Variants in NOSTRIN observed in about 807,000 individuals in gnomAD.
NOSTRIN encodes nitric oxide synthase trafficking.
NOSTRIN carries 63 observed loss-of-function variants against 59.0 expected under a neutral mutation model. The ratio of observed to expected loss-of-function variants is 1.07; its 90% CI spans 0.87 to 1.32. The LOEUF (loss-of-function observed/expected upper bound fraction) is 1.32. Among genes scored for constraint, NOSTRIN ranks in the 40% most tolerant of loss-of-function variants. The probability of loss-of-function intolerance (pLI) is 0.00; values close to 1 mark genes in which losing one functional copy is unlikely to be tolerated. For synonymous variants in NOSTRIN, 200 were observed against 165.4 expected (o/e 1.21, Z -1.61); for missense variants, 512 against 473.1 (o/e 1.08, Z -0.76).
chr2:168,791,455 G>C lies in NOSTRIN; in HGVS notation c.-473+3407G>C, dbSNP rs111906637. Among the ~76,000 whole-genome samples, 50 of 152,218 alleles carry C rather than the reference G, an allele frequency of 3.3e-4. 2 individuals carry two copies. In the East Asian group the frequency reaches 9.6e-3, roughly 29 times the overall value. On this transcript the variant is annotated intron_variant, in intron 2 of 20. Transcript: ENST00000458381. ...GTGAATAGTGCCACAATAAACATAC[G>C]TGTGCTTTGTGTTTATAGCAGCATG...
At chr2:168,848,923 G>A (rs1688585588) in intron 8 of NOSTRIN, among the ~76,000 whole-genome samples, 1 of 152,078 alleles carries the variant, frequency 6.6e-6, no homozygotes, top group Non-Finnish European at 1.5e-5. Flanking sequence ...GCCTAAGGTG[G>A]ATAAAATGGC....
chr2:168,789,665 G>A (rs1038408488), intron 2 of NOSTRIN, among the ~76,000 whole-genome samples: 5 of 152,194 alleles, frequency 3.3e-5, no homozygotes, highest in African/African-American at 1.2e-4. Context: ...AGGGTATGAA[G>A]TGGAGGTGCG....
chr2:168,834,501 G>GCGCACACACACACA (rs1553527038), intron 7 of NOSTRIN, among the ~76,000 whole-genome samples, 176 bp downstream of exon 7: 4 of 110,682 alleles, frequency 3.6e-5, no homozygotes, highest in African/African-American at 9.6e-5. Context: ...GCGCGCGCGC[G>GCGCACACACACACA]CGCGCGCACA....
At chr2:168,794,352 G>GTT (rs1685428170), upstream of NOSTRIN, among the ~76,000 whole-genome samples, 6 of 104,524 alleles carry the variant, frequency 5.7e-5, no homozygotes, top group East Asian at 4.6e-4. Context: ...CAAAAGGGAT[G>GTT]ATTTTTTTTT....
At chr2:168,840,331 C>T (rs907057254) in intron 7 of NOSTRIN, among the ~76,000 whole-genome samples, 9 of 151,972 alleles carry the variant, frequency 5.9e-5, no homozygotes, top group African/African-American at 2.2e-4. Context: ...GAGATCGAGA[C>T]CATCCGGGCT....
Position 168,851,275 on chromosome 2 carries a change from G to A in NOSTRIN, c.730-4G>A. 1 of 1,613,822 alleles carries A rather than the reference G, an allele frequency of 6.2e-7. No homozygotes were observed. The highest frequency in any genetic ancestry group is 8.5e-7 in the Non-Finnish European group (1 of 1,179,962). On this transcript the variant is annotated splice_polypyrimidine_tract_variant and splice_region_variant and intron_variant, in intron 9 of 15. Coordinates refer to ENST00000317647, the MANE Select transcript of NOSTRIN (RefSeq NM_001039724.4). The stretch of plus-strand genomic sequence containing the variant: ...ACCTTATTCTGTTCCCCTTGGCATT[G>A]CAGTGCCACACGCAGATTCACTGTG...
At chr2:168,804,596 T>G (rs753859502) in intron 1 of NOSTRIN, among the ~76,000 whole-genome samples, 10 of 152,172 alleles carry the variant, frequency 6.6e-5, no homozygotes, top group Non-Finnish European at 1.2e-4. Flanking sequence ...TTAGGTAGTT[T>G]TATAAAAGAA....
intron 2 of NOSTRIN, among the ~76,000 whole-genome samples, chr2:168,823,225 C>T (rs1021967656): frequency 6.6e-6 from 1 of 151,900 alleles, no homozygotes; most frequent in Non-Finnish European, 1.5e-5. Flanking sequence ...ACTGTGTTAG[C>T]CAGGATGGTC....
intron 3 of NOSTRIN, among the ~76,000 whole-genome samples, chr2:168,827,170 C>T (rs937181958): frequency 6.6e-6 from 1 of 152,158 alleles, no homozygotes; most frequent in African/African-American, 2.4e-5. Flanking sequence ...CTACACAGGC[C>T]TCTGTACCTG....
chr2:168,788,397 G>A (rs1188538466), intron 2 of NOSTRIN, among the ~76,000 whole-genome samples: 1 of 152,156 alleles, frequency 6.6e-6, no homozygotes, highest in Non-Finnish European at 1.5e-5. Context: ...AATCACTGTG[G>A]CCCGGAGTGG....
At chr2:168,850,730 T>C in intron 8 of NOSTRIN, 1 of 675,670 alleles carries the variant, frequency 1.5e-6, no homozygotes, top group South Asian at 1.9e-5. Context: ...CTGCCCAACA[T>C]GGTGAAACCC....
At chr2:168,864,774 A>G (rs1379453568) in intron 15 of NOSTRIN, 60 bp from the exon 16 acceptor site, 4 of 1,589,882 alleles carry the variant, frequency 2.5e-6, no homozygotes, top group Non-Finnish European at 2.6e-6. Context: ...ACTCTTATCA[A>G]TCGGGCTGAG....
At position 168,811,632 on chromosome 2, in the gene NOSTRIN, C is replaced by T; in HGVS notation, c.93C>T (p.Val31=). ...SQNGENFCKQ[V]TSVLQQRANL... ...ATGGAGAGAATTTCTGCAAACAGGTCACATCTGTTCTTCAGCAAAGGTACA... is the reference window on the plus strand; with the variant it reads ...ATGGAGAGAATTTCTGCAAACAGGTTACATCTGTTCTTCAGCAAAGGTACA... The change falls in exon 2 of 16, where the codon GTC becomes GTT. Residue 31 remains valine (V), a synonymous_variant. Transcript: ENST00000317647. 2 of 861,038 alleles carry T rather than the reference C, an allele frequency of 2.3e-6. No individual in the cohort carries two copies. The highest frequency in any genetic ancestry group is 2.0e-6 in the Non-Finnish European group (1 of 497,444). 53.3% of individuals were successfully genotyped at this position (861,038 alleles called of 1,614,324 possible). A position where few individuals can be genotyped will look rare whatever the true frequency, so the allele number is the denominator to read the frequency against.
chr2:168,835,458 A>G (rs182781345), intron 7 of NOSTRIN, among the ~76,000 whole-genome samples: 10 of 152,304 alleles, frequency 6.6e-5, no homozygotes, highest in African/African-American at 2.4e-4. Flanking sequence ...TGTGGGTAGT[A>G]ACAAACTCAC....
intron 7 of NOSTRIN, among the ~76,000 whole-genome samples, chr2:168,840,472 G>A (rs1452950896): frequency 6.8e-6 from 1 of 146,436 alleles, no homozygotes; most frequent in Non-Finnish European, 1.5e-5. Flanking sequence ...GGAGCTTGCA[G>A]TGAGCTGAGA....
chr2:168,863,493 A>C (rs1360690204), intron 15 of NOSTRIN: 3 of 985,300 alleles, frequency 3.0e-6, no homozygotes, highest in South Asian at 4.7e-5. Flanking sequence ...AAGGGGGCAG[A>C]TCTTTCTACT....
rs1334479451 is a variant in NOSTRIN at position 168,788,049 on chromosome 2, G to C, written c.-473+1G>C. 1 of 151,842 alleles carries C rather than the reference G, an allele frequency of 6.6e-6. No homozygotes were observed. Among genetic ancestry groups the C allele is most frequent in the Non-Finnish European group, 1.5e-5 (1 of 67,990 alleles). 9.4% of individuals were successfully genotyped at this position (151,842 alleles called of 1,614,324 possible). A position where few individuals can be genotyped will look rare whatever the true frequency, so the allele number is the denominator to read the frequency against. On this transcript the variant is annotated splice_donor_variant, in intron 2 of 20. Coordinates refer to the NOSTRIN transcript ENST00000458381. LOFTEE classifies it low-confidence loss of function (5UTR_SPLICE). ...AGCAAAGAAAATAGTGATAAGAAAG[G>C]TAAGTGATAAGAAAAAAAAAATGAT...
chr2:168,859,358 T>A (rs1452907781), intron 12 of NOSTRIN, 154 bp from the exon 13 acceptor site: 3 of 1,041,856 alleles, frequency 2.9e-6, no homozygotes, highest in South Asian at 2.0e-5. Flanking sequence ...TATTCCTCCA[T>A]TTTTTTTTCC....
chr2:168,797,482 C>T (rs1559099332), upstream of NOSTRIN, among the ~76,000 whole-genome samples: 1 of 152,132 alleles, frequency 6.6e-6, no homozygotes, highest in East Asian at 1.9e-4. Flanking sequence ...CAAGAGTTCA[C>T]TCTCTCTGGG....
Sources: gnomAD v4.1 joint callset for allele counts (sites outside exome capture counted in the v4.1 genomes callset) on GRCh38, gnomAD v4.1.1 for gene constraint, MANE v1.5 for transcripts, NCBI Gene and HGNC (gene_info 2026-07-23, HGNC 2026-07-21) for gene names.